Variants in RBFOX1 observed in about 807,000 individuals in gnomAD.
RBFOX1 encodes RNA binding fox-1 homolog 1, also known as RNA binding protein fox-1 homolog 1.
In RBFOX1, 8 loss-of-function variants were observed where a neutral mutation model predicts 57.7. That is an observed-to-expected ratio of 0.14 (90% CI 0.08 to 0.25). RBFOX1 has a LOEUF of 0.25. Among genes scored for constraint, RBFOX1 ranks in the 10% least tolerant of loss-of-function variants. RBFOX1 has a pLI of 1.00. For missense variants in RBFOX1, 611 were observed against 548.5 expected (o/e 1.11, Z -1.14); for synonymous variants, 326 against 222.4 (o/e 1.47, Z -4.15).
At chr16:6,476,547 G>C (rs1597795208) in intron 2 of RBFOX1, among the ~76,000 whole-genome samples, 1 of 152,146 alleles carries the variant, frequency 6.6e-6, no homozygotes, top group East Asian at 1.9e-4. Flanking sequence ...AATTTAAAAA[G>C]ACTTTATTGC....
chr16:7,605,897 G>T (rs906001776), intron 9 of RBFOX1, among the ~76,000 whole-genome samples: 1 of 151,976 alleles, frequency 6.6e-6, no homozygotes, highest in African/African-American at 2.4e-5. Context: ...GGAGTACAGT[G>T]GCACCATCTT....
chr16:6,461,316 T>C (rs1191102515), intron 2 of RBFOX1, among the ~76,000 whole-genome samples: 1 of 152,166 alleles, frequency 6.6e-6, no homozygotes, highest in Non-Finnish European at 1.5e-5. Flanking sequence ...GAGCCTACCC[T>C]TATGGATTCC....
chr16:7,494,256 C>G (rs919691868), intron 4 of RBFOX1, among the ~76,000 whole-genome samples: 1 of 152,162 alleles, frequency 6.6e-6, no homozygotes, highest in Non-Finnish European at 1.5e-5. Context: ...GCAAGCATCC[C>G]ATTAAATGCT....
chr16:5,684,771 G>T (rs879780437), intron 3 of RBFOX1, among the ~76,000 whole-genome samples: 1 of 152,238 alleles, frequency 6.6e-6, no homozygotes, highest in Non-Finnish European at 1.5e-5. Flanking sequence ...ATGCTTGGCT[G>T]GTATATCTGG....
intron 5 of RBFOX1, among the ~76,000 whole-genome samples, chr16:7,532,579 C>T (rs1170643057): frequency 6.6e-6 from 1 of 152,176 alleles, no homozygotes; most frequent in Admixed American, 6.5e-5. Flanking sequence ...GGATGGGGCC[C>T]AGAGCCCCTT....
In RBFOX1 at chr16:6,860,603, C is replaced by T. The variant is rs997542717; in HGVS notation, c.-15-191454C>T. 2.0e-5 allele frequency among the ~76,000 whole-genome samples: 3 copies of T among 152,084 alleles called. No individual in the cohort carries two copies. In the East Asian group the frequency reaches 5.8e-4, roughly 29 times the overall value. ...ACACATAGAAGATTCATTGTGGCAT[C>T]CAAGCAAAACATTAGGAAGACAACA... On this transcript the variant is annotated intron_variant, in intron 3 of 15. Transcript: ENST00000550418.
chr16:7,239,741 T>G (rs1195734511), intron 4 of RBFOX1, among the ~76,000 whole-genome samples: 1 of 152,202 alleles, frequency 6.6e-6, no homozygotes, highest in East Asian at 1.9e-4. Flanking sequence ...GCTGATGTTG[T>G]ATTCATGTTT....
intron 1 of RBFOX1, among the ~76,000 whole-genome samples, chr16:6,161,475 A>C (rs1044646203): frequency 2.0e-5 from 3 of 152,180 alleles, no homozygotes; most frequent in African/African-American, 7.2e-5. Context: ...GCTGACTAAC[A>C]AAATAGCCCA....
Position 7,712,558 on chromosome 16 carries a change from A to C in RBFOX1, c.*1813A>C, listed in dbSNP as rs948095270. 2.6e-5 allele frequency: 4 copies of C among 152,016 alleles called. No homozygotes were observed. Among genetic ancestry groups the C allele is most frequent in the African/African-American group, 7.3e-5 (3 of 41,318 alleles). 9.4% of individuals were successfully genotyped at this position (152,016 alleles called of 1,614,324 possible). A position where few individuals can be genotyped will look rare whatever the true frequency, so the allele number is the denominator to read the frequency against. Reference sequence around the variant, plus strand: ...ACGATAGTGATCTTGAAAAGAGAAAAGGGGGAGGGGGGAGCTACTTATCAG... The same window carrying C: ...ACGATAGTGATCTTGAAAAGAGAAACGGGGGAGGGGGGAGCTACTTATCAG... On this transcript the variant is annotated 3_prime_UTR_variant, in exon 16 of 16. Coordinates refer to ENST00000550418, the MANE Select transcript of RBFOX1 (RefSeq NM_018723.4).
chr16:5,750,567 C>G (rs560155670), intron 3 of RBFOX1, among the ~76,000 whole-genome samples: 1 of 152,238 alleles, frequency 6.6e-6, no homozygotes, highest in South Asian at 2.1e-4. Context: ...TCAGCAATGG[C>G]AGGCGCCCCT....
intron 2 of RBFOX1, among the ~76,000 whole-genome samples, chr16:6,435,293 T>A (rs766004239): frequency 1.7e-4 from 26 of 149,612 alleles, no homozygotes; most frequent in Non-Finnish European, 3.1e-4. Flanking sequence ...GTTATTGTTG[T>A]TGTTTTTTGT....
intron 4 of RBFOX1, among the ~76,000 whole-genome samples, chr16:7,501,239 T>G (rs1222763942): frequency 6.6e-6 from 1 of 152,214 alleles, no homozygotes; most frequent in Non-Finnish European, 1.5e-5. Context: ...CTCTGCTTAT[T>G]TCTTCTATTT....
chr16:5,921,161 C>A (rs900056151), intron 4 of RBFOX1, among the ~76,000 whole-genome samples: 2 of 152,162 alleles, frequency 1.3e-5, no homozygotes, highest in Non-Finnish European at 2.9e-5. Flanking sequence ...ATGCTAAGGC[C>A]ATAGAAAGCA....
intron 1 of RBFOX1, among the ~76,000 whole-genome samples, chr16:5,367,087 A>G (rs898511278): frequency 2.0e-5 from 3 of 151,368 alleles, no homozygotes; most frequent in African/African-American, 7.3e-5. Flanking sequence ...TTTATTTTGC[A>G]TGTCAGAAAT....
At chr16:6,267,907 C>G (rs1186319622) in intron 1 of RBFOX1, among the ~76,000 whole-genome samples, 1 of 152,128 alleles carries the variant, frequency 6.6e-6, no homozygotes, top group African/African-American at 2.4e-5. Context: ...ATATTTATCC[C>G]AAACTGCTAA....
chr16:5,257,699 A>T (rs1353692685), intron 1 of RBFOX1, among the ~76,000 whole-genome samples: 1 of 152,154 alleles, frequency 6.6e-6, no homozygotes. Flanking sequence ...AGCAAGGCGC[A>T]TGGGTCGACT....
At chr16:7,419,653 T>C (rs2149325015) in intron 4 of RBFOX1, among the ~76,000 whole-genome samples, 1 of 152,310 alleles carries the variant, frequency 6.6e-6, no homozygotes, top group Non-Finnish European at 1.5e-5. Flanking sequence ...ACATGACAGT[T>C]CTTTTATCTT....
At chr16:5,340,792 A>T (rs560438746) in intron 1 of RBFOX1, among the ~76,000 whole-genome samples, 1 of 152,346 alleles carries the variant, frequency 6.6e-6, no homozygotes, top group Non-Finnish European at 1.5e-5. Context: ...ATTAAGACAG[A>T]TCAATTTCCT....
intron 3 of RBFOX1, among the ~76,000 whole-genome samples, chr16:6,994,964 TG>T (rs2092038385): frequency 6.6e-6 from 1 of 151,892 alleles, no homozygotes; most frequent in African/African-American, 2.4e-5. Context: ...TGTGTGTGTG[TG>T]TGTGTGTGTT....
Sources: allele counts gnomAD v4.1 joint callset (sites outside exome capture counted in the v4.1 genomes callset), GRCh38; gene constraint gnomAD v4.1.1; transcripts MANE v1.5; gene names NCBI Gene and HGNC (gene_info 2026-07-23, HGNC 2026-07-21).